The following PIP4K2A variants were observed in gnomAD, a reference collection of about 807,000 sequenced individuals.
PIP4K2A encodes the protein phosphatidylinositol-5-phosphate 4-kinase type 2 alpha, also known as phosphatidylinositol 5-phosphate 4-kinase type-2 alpha.
PIP4K2A carries 14 observed loss-of-function variants against 42.9 expected under a neutral mutation model. The observed-to-expected ratio is 0.33, with a 90% CI of 0.22 to 0.51. PIP4K2A has a LOEUF of 0.51. PIP4K2A is among the 20% of genes least tolerant of loss of function. PIP4K2A has a pLI of 0.97. For synonymous variants in PIP4K2A, 192 were observed against 192.2 expected (o/e 1.00, Z 0.01); for missense variants, 434 against 519.8 (o/e 0.83, Z 1.61).
chr10:22,691,085 A>G (rs1438921755), intron 1 of PIP4K2A, among the ~76,000 whole-genome samples: 1 of 152,164 alleles, frequency 6.6e-6, no homozygotes, highest in Non-Finnish European at 1.5e-5. Context: ...GTTTTGGTAA[A>G]GTCTTAAGAA....
chr10:22,681,919 C>A (rs1477102175), intron 1 of PIP4K2A, among the ~76,000 whole-genome samples: 1 of 152,076 alleles, frequency 6.6e-6, no homozygotes, highest in Non-Finnish European at 1.5e-5. Context: ...TGGCTCTGTT[C>A]CAATCAAACT....
At chr10:22,649,029 AT>A (rs1205972982) in intron 1 of PIP4K2A, among the ~76,000 whole-genome samples, 1 of 152,210 alleles carries the variant, frequency 6.6e-6, no homozygotes, top group Non-Finnish European at 1.5e-5. Context: ...AATAAAAATA[AT>A]TTACTAATCT....
At chr10:22,556,543 A>C (rs190219250) in intron 6 of PIP4K2A, among the ~76,000 whole-genome samples, 47 of 152,368 alleles carry the variant, frequency 3.1e-4, no homozygotes, top group African/African-American at 1.1e-3. Flanking sequence ...ATCTGGCCAA[A>C]GACAGAAATT....
chr10:22,632,559 T>C (rs1490772205), intron 1 of PIP4K2A, among the ~76,000 whole-genome samples: 2 of 152,196 alleles, frequency 1.3e-5, no homozygotes, highest in East Asian at 3.9e-4. Flanking sequence ...ATTGGAGTAT[T>C]TCTCTCACAC....
chr10:22,585,620 T>TG (rs1220366717), intron 4 of PIP4K2A, among the ~76,000 whole-genome samples: 3 of 151,970 alleles, frequency 2.0e-5, no homozygotes, highest in African/African-American at 7.3e-5. Context: ...TTTTTTTTTT[T>TG]TTTTTTGAGA....
At chr10:22,589,410 G>C (rs542584209) in intron 4 of PIP4K2A, among the ~76,000 whole-genome samples, 1 of 152,318 alleles carries the variant, frequency 6.6e-6, no homozygotes, top group South Asian at 2.1e-4. Context: ...TGTAGAATAA[G>C]AGGCAGTAGC....
intron 1 of PIP4K2A, among the ~76,000 whole-genome samples, chr10:22,664,922 A>C (rs1243936336): frequency 6.6e-6 from 1 of 152,130 alleles, no homozygotes; most frequent in Non-Finnish European, 1.5e-5. Flanking sequence ...CACTCCATGA[A>C]AAGTTTTATT....
At chr10:22,593,385 T>G (rs1837556982) in intron 3 of PIP4K2A, among the ~76,000 whole-genome samples, 1 of 152,198 alleles carries the variant, frequency 6.6e-6, no homozygotes, top group South Asian at 2.1e-4. Context: ...TGACTTTAAA[T>G]AGCAAGACTT....
chr10:22,699,744 T>C (rs779908131), intron 1 of PIP4K2A, among the ~76,000 whole-genome samples: 3 of 152,152 alleles, frequency 2.0e-5, no homozygotes, highest in Admixed American at 6.6e-5. Context: ...TCAAAATACA[T>C]TGTAAATACA....
chr10:22,539,909 G>T (rs765069952), intron 9 of PIP4K2A, 62 bp downstream of exon 9: 1 of 93,234 alleles, frequency 1.1e-5, no homozygotes, highest in African/African-American at 1.0e-4. Flanking sequence ...GAGAGAGAGA[G>T]AGGGAGAGAG....
At chr10:22,600,103 T>C (rs1182228688) in intron 3 of PIP4K2A, among the ~76,000 whole-genome samples, 1 of 152,144 alleles carries the variant, frequency 6.6e-6, no homozygotes, top group Non-Finnish European at 1.5e-5. Flanking sequence ...AGTGTCCTCA[T>C]TTAGTAACAG....
intron 3 of PIP4K2A, among the ~76,000 whole-genome samples, chr10:22,601,509 G>C (rs1046916325): frequency 6.6e-6 from 1 of 152,192 alleles, no homozygotes; most frequent in African/African-American, 2.4e-5. Context: ...GTGCGTCTCT[G>C]AGCAGGGTGG....
rs553431533 is a variant in PIP4K2A at position 22,713,063 on chromosome 10, T to C, written c.144+1120A>G. Reference sequence around the variant, plus strand: ...AAGCGAACTTACACTTTTCCCCAGATGCTAAGTGACTGCAGTGGCTAAGGT... The same window carrying C: ...AAGCGAACTTACACTTTTCCCCAGACGCTAAGTGACTGCAGTGGCTAAGGT... On this transcript the variant is annotated intron_variant, in intron 1 of 9. Coordinates refer to ENST00000376573, the MANE Select transcript of PIP4K2A (RefSeq NM_005028.5). Among the ~76,000 whole-genome samples, 3 of 152,224 alleles carry C rather than the reference T, an allele frequency of 2.0e-5. No individual in the cohort carries two copies. In the East Asian group the frequency reaches 5.8e-4, roughly 29 times the overall value.
At position 22,536,991 on chromosome 10, in the gene PIP4K2A, C is replaced by G. The variant is rs927176482; in HGVS notation, c.*210G>C. The G allele has an allele frequency of 1.5e-5, 7 of 461,070 alleles. No homozygotes were observed. The South Asian group carries it at 1.6e-4, about 10-fold the overall frequency. 28.6% of individuals were successfully genotyped at this position (461,070 alleles called of 1,614,324 possible). A position where few individuals can be genotyped will look rare whatever the true frequency, so the allele number is the denominator to read the frequency against. ...CAACACACACACACACACATATACACAAAGTCAGAAATAGCTAGAACGATG... is the reference window on the plus strand; with the variant it reads ...CAACACACACACACACACATATACAGAAAGTCAGAAATAGCTAGAACGATG... On this transcript the variant is annotated 3_prime_UTR_variant, in exon 10 of 10. Transcript: ENST00000376573.
chr10:22,561,333 T>G (rs1346284697), intron 6 of PIP4K2A, among the ~76,000 whole-genome samples: 1 of 152,188 alleles, frequency 6.6e-6, no homozygotes, highest in Admixed American at 6.5e-5. Flanking sequence ...AGTTCCATCT[T>G]CATGATTATG....
chr10:22,665,700 A>T (rs1292352382), intron 1 of PIP4K2A, among the ~76,000 whole-genome samples: 3 of 142,640 alleles, frequency 2.1e-5, no homozygotes, highest in Non-Finnish European at 4.5e-5. Context: ...CAATCCTCCC[A>T]CCTTGGCCTC....
At chr10:22,570,699 A>G (rs562294140) in intron 5 of PIP4K2A, among the ~76,000 whole-genome samples, 11 of 152,346 alleles carry the variant, frequency 7.2e-5, no homozygotes, top group African/African-American at 2.4e-4. Context: ...CTATTTTTAT[A>G]ATAATACTGA....
At chr10:22,608,065 A>G (rs376958055) in intron 2 of PIP4K2A, 42 bp from the exon 3 acceptor site, 102 of 1,323,426 alleles carry the variant, frequency 7.7e-5, no homozygotes, top group Non-Finnish European at 9.9e-5. Flanking sequence ...GAGAGAGTCA[A>G]TCAGACTTGC....
intron 6 of PIP4K2A, among the ~76,000 whole-genome samples, chr10:22,559,689 T>C (rs898160547): frequency 3.9e-5 from 6 of 152,126 alleles, no homozygotes; most frequent in African/African-American, 9.7e-5. Context: ...CCTTAATCTA[T>C]ATCTGGAATA....
Sources: allele counts gnomAD v4.1 joint callset (sites outside exome capture counted in the v4.1 genomes callset), GRCh38; gene constraint gnomAD v4.1.1; transcripts MANE v1.5; gene names NCBI Gene and HGNC (gene_info 2026-07-23, HGNC 2026-07-21).